The following LRBA variants were observed in gnomAD, a reference collection of about 807,000 sequenced individuals.
The protein encoded by LRBA is LPS responsive beige-like anchor protein.
LRBA carries 176 observed loss-of-function variants against 330.0 expected under a neutral mutation model. The ratio of observed to expected loss-of-function variants is 0.53; its 90% CI spans 0.47 to 0.60. LRBA has a LOEUF of 0.60. Among genes scored for constraint, LRBA ranks in the 20% least tolerant of loss-of-function variants. The pLI is 0.00. For missense variants in LRBA, 3,259 were observed against 3,444.8 expected (o/e 0.95, Z 1.35); for synonymous variants, 1,230 against 1,193.0 (o/e 1.03, Z -0.64).
intron 48 of LRBA, among the ~76,000 whole-genome samples, chr4:150,347,067 A>G (rs1311741318): frequency 6.6e-6 from 1 of 152,240 alleles, no homozygotes; most frequent in Non-Finnish European, 1.5e-5. Context: ...TACATTCTAT[A>G]GCATGGACAA....
chr4:150,569,490 C>A (rs1187401279), intron 40 of LRBA, among the ~76,000 whole-genome samples: 2 of 152,084 alleles, frequency 1.3e-5, no homozygotes, highest in Non-Finnish European at 2.9e-5. Flanking sequence ...TTGCGTAAGT[C>A]ACAACTGATT....
At chr4:150,559,732 T>C (rs1300474982) in intron 40 of LRBA, among the ~76,000 whole-genome samples, 1 of 90,198 alleles carries the variant, frequency 1.1e-5, no homozygotes, top group Non-Finnish European at 2.0e-5. Context: ...ATATAATATA[T>C]AATATAATAT....
intron 35 of LRBA, among the ~76,000 whole-genome samples, chr4:150,757,854 G>A (rs1183468640): frequency 2.0e-5 from 3 of 152,036 alleles, no homozygotes; most frequent in South Asian, 2.1e-4. Context: ...TTTCAAACAC[G>A]TAAAAGATAA....
At chr4:150,573,752 A>T (rs1268254139) in intron 40 of LRBA, among the ~76,000 whole-genome samples, 1 of 152,224 alleles carries the variant, frequency 6.6e-6, no homozygotes, top group African/African-American at 2.4e-5. Flanking sequence ...AAAATAAAAG[A>T]TGTTAACACT....
Position 150,873,849 on chromosome 4 carries a change from C to A in LRBA, c.2166-1094G>T, listed in dbSNP as rs189462681. ...GGAAATATCTTCAACCTCTAGTGAT[C>A]AATAGAAAAGCAGGTATATAAAAAA... On this transcript the variant is annotated intron_variant, in intron 17 of 56. Coordinates refer to ENST00000651943, the MANE Select transcript of LRBA (RefSeq NM_001364905.1). Among the ~76,000 whole-genome samples the A allele has an allele frequency of 3.9e-5, 6 of 152,032 alleles. 1 individual carries two copies. The highest frequency in any genetic ancestry group is 3.9e-4 in the Admixed American group (6 of 15,270).
intron 47 of LRBA, among the ~76,000 whole-genome samples, chr4:150,357,320 AG>A (rs1207775782): frequency 6.6e-6 from 1 of 151,972 alleles, no homozygotes; most frequent in Non-Finnish European, 1.5e-5. Context: ...CTAGTCAACC[AG>A]CTGTTATATA....
chr4:150,926,388 T>C lies in LRBA; in HGVS notation c.549+2128A>G, dbSNP rs936562015. ...AAGAGACACGCCTGAATAGTAAAACTAAACTAGCCGTAGCGTAACAGCCAC... is the reference window on the plus strand; with the variant it reads ...AAGAGACACGCCTGAATAGTAAAACCAAACTAGCCGTAGCGTAACAGCCAC... On this transcript the variant is annotated intron_variant, in intron 4 of 56. Coordinates refer to ENST00000651943, the MANE Select transcript of LRBA (RefSeq NM_001364905.1). 2.0e-5 allele frequency among the ~76,000 whole-genome samples: 3 copies of C among 152,008 alleles called. No homozygotes were observed. The South Asian group carries it at 6.2e-4, about 31-fold the overall frequency.
chr4:150,727,000 A>C (rs544342261), intron 36 of LRBA, among the ~76,000 whole-genome samples: 25 of 151,318 alleles, frequency 1.7e-4, no homozygotes, highest in Admixed American at 1.6e-3. Flanking sequence ...AAATCAAAAA[A>C]GAAACAGCAG....
At chr4:150,573,137 T>C (rs1770078313) in intron 40 of LRBA, among the ~76,000 whole-genome samples, 2 of 152,086 alleles carry the variant, frequency 1.3e-5, no homozygotes, top group South Asian at 4.2e-4. Context: ...GAACACACCA[T>C]TGCCCTCAGC....
chr4:150,326,841 A>G (rs765331671), intron 48 of LRBA, among the ~76,000 whole-genome samples: 4 of 152,188 alleles, frequency 2.6e-5, no homozygotes, highest in Non-Finnish European at 5.9e-5. Context: ...AACAGTCAGT[A>G]TGCTTAACTC....
At chr4:150,379,320 A>AAAAAAAAAAAC (rs1741845184) in intron 47 of LRBA, among the ~76,000 whole-genome samples, 1 of 151,126 alleles carries the variant, frequency 6.6e-6, no homozygotes, top group South Asian at 2.1e-4. Context: ...AAAAAAAAAA[A>AAAAAAAAAAAC]AAAAAAGCAG....
chr4:150,739,118 G>T (rs1731603829), intron 35 of LRBA, among the ~76,000 whole-genome samples: 1 of 151,892 alleles, frequency 6.6e-6, no homozygotes. Flanking sequence ...AGTATGAGAA[G>T]CAAACAGAAA....
chr4:150,902,249 A>T (rs900134618), intron 13 of LRBA, among the ~76,000 whole-genome samples: 1 of 152,248 alleles, frequency 6.6e-6, no homozygotes, highest in Non-Finnish European at 1.5e-5. Flanking sequence ...TAGAATAGAC[A>T]GACAGAATAC....
chr4:150,516,832 A>G (rs575796448), intron 40 of LRBA, among the ~76,000 whole-genome samples: 29 of 152,312 alleles, frequency 1.9e-4, no homozygotes, highest in African/African-American at 6.0e-4. Context: ...AAAAATAAAA[A>G]TATGTATGGC....
intron 42 of LRBA, among the ~76,000 whole-genome samples, chr4:150,472,555 T>C (rs1212276700): frequency 6.6e-6 from 1 of 152,162 alleles, no homozygotes; most frequent in African/African-American, 2.4e-5. Flanking sequence ...GAACATTTTC[T>C]TCATCTCTTC....
At position 150,907,988 on chromosome 4, in the gene LRBA, A is replaced by G. The variant is rs1731538071; in HGVS notation, c.1493+346T>C. Among the ~76,000 whole-genome samples, 5 of 152,166 alleles carry G rather than the reference A, an allele frequency of 3.3e-5. No individual in the cohort carries two copies. The South Asian group carries it at 1.0e-3, about 32-fold the overall frequency. ...AAATCATTACCAAATAATTTTAAAT[A>G]TTTCAGAAATTAAAAATTTCTTATT... On this transcript the variant is annotated intron_variant, in intron 11 of 56. Coordinates refer to ENST00000651943, the MANE Select transcript of LRBA (RefSeq NM_001364905.1).
chr4:150,697,028 A>G (rs1784681390), intron 36 of LRBA, among the ~76,000 whole-genome samples: 1 of 151,064 alleles, frequency 6.6e-6, no homozygotes, highest in South Asian at 2.1e-4. Flanking sequence ...AGTAAAAAGA[A>G]AAAAGAAAAA....
chr4:150,862,368 T>A (rs1421350128), intron 22 of LRBA, among the ~76,000 whole-genome samples: 1 of 152,320 alleles, frequency 6.6e-6, no homozygotes, highest in Non-Finnish European at 1.5e-5. Context: ...GATGAGTTCA[T>A]GTCCTTTGTA....
intron 37 of LRBA, among the ~76,000 whole-genome samples, chr4:150,682,936 G>A (rs1783175984): frequency 6.6e-6 from 1 of 151,892 alleles, no homozygotes; most frequent in Non-Finnish European, 1.5e-5. Flanking sequence ...TAGTCTTAAA[G>A]GCAATTTAAT....
Sources: allele counts gnomAD v4.1 joint callset (sites outside exome capture counted in the v4.1 genomes callset), GRCh38; gene constraint gnomAD v4.1.1; transcripts MANE v1.5; gene names NCBI Gene and HGNC (gene_info 2026-07-23, HGNC 2026-07-21).